KLK10: variants seen among roughly 807,000 people sequenced by gnomAD.
KLK10 encodes kallikrein-10.
KLK10 carries 27 observed loss-of-function variants against 25.7 expected under a neutral mutation model. That is an observed-to-expected ratio of 1.05 (90% confidence interval 0.77 to 1.45). The LOEUF is 1.45. KLK10 is among the 40% of genes most tolerant of loss of function. The pLI, the probability that KLK10 is intolerant of heterozygous loss-of-function variation, is 0.00. For missense variants in KLK10, 386 were observed against 370.0 expected (o/e 1.04, Z -0.35); for synonymous variants, 173 against 160.1 (o/e 1.08, Z -0.61).
intron 3 of KLK10, among the ~76,000 whole-genome samples, chr19:51,016,569 T>A (rs2091331004): frequency 6.6e-6 from 1 of 150,638 alleles, no homozygotes; most frequent in East Asian, 1.9e-4. Flanking sequence ...AGCCTTTTTT[T>A]TTTTTTAATT....
Position 51,013,424 on chromosome 19 carries a change from ACTT to A in KLK10, c.*1373_*1375del, listed in dbSNP as rs573585262. The A allele has an allele frequency of 4.1e-4, 63 of 152,210 alleles. No homozygotes were observed. The highest frequency in any genetic ancestry group is 1.3e-3 in the African/African-American group (55 of 41,524). 9.4% of individuals were successfully genotyped at this position (152,210 alleles called of 1,614,324 possible). A position where few individuals can be genotyped will look rare whatever the true frequency, so the allele number is the denominator to read the frequency against. On this transcript the variant is annotated 3_prime_UTR_variant, in exon 6 of 6. Transcript: ENST00000358789. Reference sequence around the variant, plus strand: ...GTTCAGGATAAGCTGAGACACTCAAACTTCTTCTTTTTTTGAGATGGAGTTTTG... The same window carrying A: ...GTTCAGGATAAGCTGAGACACTCAAACTTCTTTTTTTGAGATGGAGTTTTG...
In KLK10 at chr19:51,019,236, G is replaced by A. The variant is rs1266036097; in HGVS notation, c.-9-97C>T. 1.5e-5 allele frequency: 12 copies of A among 788,940 alleles called. No homozygotes were observed. Among genetic ancestry groups the A allele is most frequent in the Admixed American group, 2.5e-5 (1 of 39,260 alleles). The allele number at this position is 788,940 out of a possible 1,614,324, so 48.9% of individuals were successfully genotyped here. A position where few individuals can be genotyped will look rare whatever the true frequency, so the allele number is the denominator to read the frequency against. ...CGCCCAGCCTGGGCCACCCCAGCCC[G>A]CAAGCACCCTTTTGACCTGCAGCCG... On this transcript the variant is annotated intron_variant, in intron 1 of 5. Transcript: ENST00000358789. This position sits in a 1 kb window ranked among gnomAD's most constrained non-coding sequence, Gnocchi z 4.2.
intron 5 of KLK10, 78 bp downstream of exon 5, chr19:51,015,339 G>A: frequency 1.3e-6 from 2 of 1,512,446 alleles, no homozygotes; most frequent in East Asian, 4.6e-5. Context: ...TGGGGATCGG[G>A]CACAGGGTCT....
Position 51,014,902 on chromosome 19 carries a change from G to C in KLK10, c.729C>G (p.Leu243=), listed in dbSNP as rs757026530. Residue 243 remains leucine, a synonymous_variant, in exon 6 of 6, where the codon CTC becomes CTG. Coordinates refer to ENST00000358789, the MANE Select transcript of KLK10 (RefSeq NM_145888.3). ...LVCDETLQGI[L]SWGVYPCGSA... Reference sequence around the variant, plus strand: ...AGCCACAGGGGTAAACACCCCACGAGAGGATGCCTTGGAGGGTCTCGTCAC... The same window carrying C: ...AGCCACAGGGGTAAACACCCCACGACAGGATGCCTTGGAGGGTCTCGTCAC... 4.3e-6 allele frequency: 7 copies of C among 1,613,992 alleles called. No homozygotes were observed. In the Admixed American group the frequency reaches 8.3e-5, roughly 19 times the overall value.
chr19:51,018,947 G>C, intron 2 of KLK10, 96 bp downstream of exon 2: 1 of 927,704 alleles, frequency 1.1e-6, no homozygotes, highest in Non-Finnish European at 1.7e-6. Context: ...GGTCTCGGGG[G>C]AGGAGAGGTG....
At position 51,014,543 on chromosome 19, in the gene KLK10, C is replaced by T. The variant is rs1049452903; in HGVS notation, c.*257G>A. The T allele has an allele frequency of 1.2e-4, 37 of 310,274 alleles. No individual in the cohort carries two copies. Among genetic ancestry groups the T allele is most frequent in the Non-Finnish European group, 1.8e-4 (30 of 166,968 alleles). The allele number at this position is 310,274 out of a possible 1,614,324, so 19.2% of individuals were successfully genotyped here. ...CTCTCAGAGGCTGGGTGATGACCGGCTTCCTGGCTTCTCTGGAATAAACCT... is the reference window on the plus strand; with the variant it reads ...CTCTCAGAGGCTGGGTGATGACCGGTTTCCTGGCTTCTCTGGAATAAACCT... On this transcript the variant is annotated 3_prime_UTR_variant, in exon 6 of 6. Coordinates refer to ENST00000358789, the MANE Select transcript of KLK10 (RefSeq NM_145888.3).
rs532319170 is a variant in KLK10, at chr19:51,017,048, T to C, written c.269+62A>G. 518 of 1,445,088 alleles carry C rather than the reference T, an allele frequency of 3.6e-4. 9 individuals carry two copies. The South Asian group carries it at 7.0e-3, about 20-fold the overall frequency. 89.5% of individuals were successfully genotyped at this position (1,445,088 alleles called of 1,614,324 possible). Reference sequence around the variant, plus strand: ...TTCCGAGAGACCCCGCCCTGCCCGCTCCTCCCTGGAGGCCGCCTCCACAGC... The same window carrying C: ...TTCCGAGAGACCCCGCCCTGCCCGCCCCTCCCTGGAGGCCGCCTCCACAGC... On this transcript the variant is annotated intron_variant, in intron 3 of 5. Transcript: ENST00000358789.
rs1250539307 is a variant in KLK10 at position 51,015,981 on chromosome 19, G to A, written c.445C>T (p.Leu149=). Residue 149 remains leucine, a synonymous_variant, in exon 4 of 6, where the codon CTG becomes TTG. Transcript: ENST00000358789. ...MLLKLARPVV[L]GPRVRALQLP... ...TGCAGGGCCCGGACGCGGGGCCCCA[G>A]CACTACGGGCCTGGCCAGCTTCAGC... The A allele has an allele frequency of 3.2e-6, 5 of 1,572,662 alleles. No homozygotes were observed. The African/African-American group carries it at 4.0e-5, about 13-fold the overall frequency.
rs767003237 is a variant in KLK10, at chr19:51,015,560, G to C, written c.545-10C>G. On this transcript the variant is annotated splice_polypyrimidine_tract_variant and intron_variant, in intron 4 of 5. Transcript: ENST00000358789. ...CCCTTGTTGTACTTCACTGAAGGGA[G>C]AATATGCCAGTAATCCCTGGGTCCA... 7.4e-6 allele frequency: 12 copies of C among 1,612,360 alleles called. No individual in the cohort carries two copies. The highest frequency in any genetic ancestry group is 1.6e-4 in the Middle Eastern group (1 of 6,074).
At position 51,014,640 on chromosome 19, in the gene KLK10, G is replaced by A. The variant is rs1188242164; in HGVS notation, c.*160C>T. The A allele has an allele frequency of 3.2e-6, 2 of 620,586 alleles. No homozygotes were observed. The highest frequency in any genetic ancestry group is 2.8e-6 in the Non-Finnish European group (1 of 354,972). 38.4% of individuals were successfully genotyped at this position (620,586 alleles called of 1,614,324 possible). A position where few individuals can be genotyped will look rare whatever the true frequency, so the allele number is the denominator to read the frequency against. On this transcript the variant is annotated 3_prime_UTR_variant, in exon 6 of 6. Transcript: ENST00000358789. ...GGATAGGTGGGGGAATGAGGTGAGA[G>A]GGGAGATGTTTAGAGGTGTGGAGGG...
In KLK10 at chr19:51,017,269, G is replaced by C; in HGVS notation, c.110C>G (p.Pro37Arg). Residue 37 changes from proline to arginine, a missense_variant, in exon 3 of 6, where the codon CCC becomes CGC. Physicochemically the swap from Pro to Arg is moderately radical, Grantham distance 103. Transcript: ENST00000358789. ...GGGGTCCAAGCGCGTGTCGTTTTGGGGGAGCAGCGCCGCCTCTGCGGCTGG... is the reference window on the plus strand; with the variant it reads ...GGGGTCCAAGCGCGTGTCGTTTTGGCGGAGCAGCGCCGCCTCTGCGGCTGG... ...QLWAAEAALL[P>R]QNDTRLDPEA... 4 of 1,608,462 alleles carry C rather than the reference G, an allele frequency of 2.5e-6. No individual in the cohort carries two copies. Among genetic ancestry groups the C allele is most frequent in the Middle Eastern group, 3.4e-4 (2 of 5,938 alleles).
intron 5 of KLK10, 91 bp from the exon 6 acceptor site, chr19:51,015,043 T>C (rs1273232374): frequency 2.5e-6 from 3 of 1,183,944 alleles, no homozygotes; most frequent in East Asian, 4.7e-5. Flanking sequence ...AAGGAAGGAG[T>C]TGGGTTGGGA....
rs956064766 is a variant in KLK10, at chr19:51,016,809, T to C, written c.269+301A>G. 3.3e-5 allele frequency among the ~76,000 whole-genome samples: 5 copies of C among 152,096 alleles called. No homozygotes were observed. The East Asian group carries it at 9.7e-4, about 30-fold the overall frequency. On this transcript the variant is annotated intron_variant, in intron 3 of 5. Transcript: ENST00000358789. Reference sequence around the variant, plus strand: ...ACGGGGACTCACGAAGTGAACCTTTTCCTTTAGTTCTAAATTCCTGACCAC... The same window carrying C: ...ACGGGGACTCACGAAGTGAACCTTTCCCTTTAGTTCTAAATTCCTGACCAC...
At position 51,017,286 on chromosome 19, in the gene KLK10, T is replaced by C. The variant is rs552798425; in HGVS notation, c.93A>G (p.Ala31=). 1.5e-5 allele frequency: 24 copies of C among 1,602,380 alleles called. No individual in the cohort carries two copies. In the African/African-American group the frequency reaches 3.0e-4, roughly 20 times the overall value. Residue 31 remains alanine, a synonymous_variant, in exon 3 of 6, where the codon GCA becomes GCG. Coordinates refer to ENST00000358789, the MANE Select transcript of KLK10 (RefSeq NM_145888.3). ...LPLLMAQLWA[A]EAALLPQNDT... is the part of the protein sequence containing the mutation. ...CGTTTTGGGGGAGCAGCGCCGCCTCTGCGGCTGGAGAAAGAAAGGGGACGG... is the reference window on the plus strand; with the variant it reads ...CGTTTTGGGGGAGCAGCGCCGCCTCCGCGGCTGGAGAAAGAAAGGGGACGG...
At chr19:51,017,321 AC>A in intron 2 of KLK10, 31 bp from the exon 3 acceptor site, 1 of 1,570,526 alleles carries the variant, frequency 6.4e-7, no homozygotes, top group Non-Finnish European at 8.6e-7. Context: ...GAATCAAAGC[AC>A]GGAGGGCAGG....
chr19:51,017,279 C>T lies in KLK10; in HGVS notation c.100G>A (p.Ala34Thr). The change falls in exon 3 of 6, where the codon GCG (alanine) becomes ACG (threonine). Residue 34 changes from alanine (A) to threonine (T), a missense_variant. By Grantham distance (58) the Ala-to-Thr change is moderately conservative. Coordinates refer to ENST00000358789, the MANE Select transcript of KLK10 (RefSeq NM_145888.3). ...CGCGTGTCGTTTTGGGGGAGCAGCG[C>T]CGCCTCTGCGGCTGGAGAAAGAAAG... ...LMAQLWAAEA[A>T]LLPQNDTRLD... 1 of 1,604,698 alleles carries T rather than the reference C, an allele frequency of 6.2e-7. No individual in the cohort carries two copies. The highest frequency in any genetic ancestry group is 8.5e-7 in the Non-Finnish European group (1 of 1,176,244).
chr19:51,014,592 G>T lies in KLK10; in HGVS notation c.*208C>A. On this transcript the variant is annotated 3_prime_UTR_variant, in exon 6 of 6. Transcript: ENST00000358789. ...CTTTGCCACCACTTCCTGCATTTCA[G>T]CTTCAGTACAGGCAGAGAATGGGGA... 1 of 444,212 alleles carries T rather than the reference G, an allele frequency of 2.3e-6. No homozygotes were observed. Among genetic ancestry groups the T allele is most frequent in the Non-Finnish European group, 4.0e-6 (1 of 249,650 alleles). The allele number at this position is 444,212 out of a possible 1,614,324, so 27.5% of individuals were successfully genotyped here. A position where few individuals can be genotyped will look rare whatever the true frequency, so the allele number is the denominator to read the frequency against.
chr19:51,019,174 A>G lies in KLK10; in HGVS notation c.-9-35T>C. ...TGTGTGCAGGGGCGGGTTAAAACAGATGCTCCGTTAGAGACCCCCACCTCG... is the reference window on the plus strand; with the variant it reads ...TGTGTGCAGGGGCGGGTTAAAACAGGTGCTCCGTTAGAGACCCCCACCTCG... On this transcript the variant is annotated intron_variant, in intron 1 of 5. Transcript: ENST00000358789. The surrounding 1 kb of genome is among the most constrained non-coding windows in gnomAD (Gnocchi z 4.2). 2 of 1,447,016 alleles carry G rather than the reference A, an allele frequency of 1.4e-6. No individual in the cohort carries two copies. Among genetic ancestry groups the G allele is most frequent in the Middle Eastern group, 1.9e-4 (1 of 5,380 alleles). 89.6% of individuals were successfully genotyped at this position (1,447,016 alleles called of 1,614,324 possible).
chr19:51,018,793 C>T (rs539673138), intron 2 of KLK10: 7 of 555,976 alleles, frequency 1.3e-5, no homozygotes, highest in Non-Finnish European at 2.3e-5. Context: ...AAGAACGCGG[C>T]GAAGAGTCCA....
Sources: gnomAD v4.1 joint callset for allele counts (sites outside exome capture counted in the v4.1 genomes callset) on GRCh38, gnomAD v4.1.1 for gene constraint, Gnocchi (gnomAD v3.1) non-coding constraint, MANE v1.5 for transcripts, NCBI Gene and HGNC (gene_info 2026-07-23, HGNC 2026-07-21) for gene names.